Variants in SLC25A26 observed in about 807,000 individuals in gnomAD.
SLC25A26 encodes solute carrier family 25 member 26, also known as mitochondrial S-adenosylmethionine carrier protein.
SLC25A26 carries 36 observed loss-of-function variants against 37.8 expected under a neutral mutation model. The observed-to-expected ratio is 0.95, with a 90% CI of 0.73 to 1.26. SLC25A26 has a LOEUF of 1.26. SLC25A26 is among the 50% of genes most tolerant of loss of function. The probability of loss-of-function intolerance (pLI) is 0.00; values close to 1 mark genes in which losing one functional copy is unlikely to be tolerated. For synonymous variants in SLC25A26, 129 were observed against 122.5 expected, an observed-to-expected ratio of 1.05 and a Z score of -0.35; for missense variants, 390 against 331.1, an observed-to-expected ratio of 1.18 and a Z score of -1.38.
Position 66,352,434 on chromosome 3 carries a change from TG to T in SLC25A26, c.498+6027del, listed in dbSNP as rs573291183. Among the ~76,000 whole-genome samples, 383 of 135,540 alleles carry T rather than the reference TG, an allele frequency of 2.8e-3. 14 individuals are homozygous for T. The highest frequency in any genetic ancestry group is 9.8e-3 in the African/African-American group (345 of 35,260). 88.9% of individuals were successfully genotyped at this position (135,540 alleles called of 152,430 possible). A position where few individuals can be genotyped will look rare whatever the true frequency, so the allele number is the denominator to read the frequency against. On this transcript the variant is annotated intron_variant, in intron 6 of 9. Coordinates refer to ENST00000354883, the MANE Select transcript of SLC25A26 (RefSeq NM_001379210.1). ...GCGCCTCCCCTCGTTTTTTGTTTTT[TG>T]TTTTTTGTTTTTTTTTTTGAGATGT...
intron 9 of SLC25A26, among the ~76,000 whole-genome samples, chr3:66,376,782 G>A (rs549304218): frequency 3.9e-5 from 6 of 152,270 alleles, no homozygotes; most frequent in African/African-American, 1.2e-4. Context: ...TTATGGAAGC[G>A]TGGGCCAGGA....
chr3:66,319,744 C>CT (rs71105981), intron 5 of SLC25A26, among the ~76,000 whole-genome samples: 8,367 of 91,980 alleles, frequency 0.091, 1,627 homozygotes, highest in African/African-American at 0.2. Flanking sequence ...GCAATTAAAT[C>CT]TTTTTTTTTT....
At chr3:66,220,021 T>A (rs36170406), upstream of SLC25A26, among the ~76,000 whole-genome samples, 9,254 of 152,240 alleles carry the variant, frequency 0.061, 544 homozygotes, top group Admixed American at 0.15. Context: ...AGAATAATTA[T>A]AAGAATAATT....
chr3:66,166,801 C>T (rs1265547252), intron 1 of SLC25A26, among the ~76,000 whole-genome samples: 1 of 152,146 alleles, frequency 6.6e-6, no homozygotes, highest in African/African-American at 2.4e-5. Flanking sequence ...TGAGCCTCGT[C>T]AATGATGATA....
intron 1 of SLC25A26, among the ~76,000 whole-genome samples, chr3:66,189,748 A>G (rs905458563): frequency 4.6e-5 from 7 of 151,786 alleles, no homozygotes; most frequent in Non-Finnish European, 7.4e-5. Flanking sequence ...TGCAGCCTCA[A>G]CCTCCTGGGC....
At chr3:66,147,196 C>T (rs1014843036) in intron 1 of SLC25A26, among the ~76,000 whole-genome samples, 2 of 149,280 alleles carry the variant, frequency 1.3e-5, no homozygotes, top group African/African-American at 5.0e-5. Flanking sequence ...CAGAGTCTTG[C>T]TCTGTCTCCC....
chr3:66,230,678 G>A (rs939544985), intron 1 of SLC25A26, among the ~76,000 whole-genome samples: 4 of 151,760 alleles, frequency 2.6e-5, no homozygotes, highest in East Asian at 1.9e-4. Flanking sequence ...GGTGGCTCAC[G>A]CCTGTAATCC....
At chr3:66,303,082 A>C (rs1237191792) in intron 5 of SLC25A26, among the ~76,000 whole-genome samples, 1 of 152,072 alleles carries the variant, frequency 6.6e-6, no homozygotes, top group African/African-American at 2.4e-5. Flanking sequence ...GTCCCCTGGG[A>C]GGTTGAAAGA....
chr3:66,134,207 C>T (rs1452119147), intron 1 of SLC25A26, among the ~76,000 whole-genome samples: 3 of 152,246 alleles, frequency 2.0e-5, no homozygotes, highest in East Asian at 1.9e-4. Context: ...TTGTGATAAC[C>T]TTTGACACTT....
At chr3:66,238,536 C>T (rs2072409762) in intron 2 of SLC25A26, among the ~76,000 whole-genome samples, 1 of 152,078 alleles carries the variant, frequency 6.6e-6, no homozygotes, top group African/African-American at 2.4e-5. Context: ...GCACACGCCA[C>T]CACACCTGGC....
At chr3:66,263,484 T>TA (rs972179102) in intron 5 of SLC25A26, 105 bp downstream of exon 5, 4 of 756,790 alleles carry the variant, frequency 5.3e-6, no homozygotes, top group Admixed American at 5.5e-5. Context: ...AAACTTGGTT[T>TA]AAAAAATCAA....
chr3:66,309,508 A>G (rs569927527), intron 5 of SLC25A26, among the ~76,000 whole-genome samples: 133 of 151,748 alleles, frequency 8.8e-4, no homozygotes, highest in African/African-American at 5.3e-4. Flanking sequence ...ATATCCTTCA[A>G]TTCTGCTCTG....
At chr3:66,257,510 C>T (rs1420741617) in intron 3 of SLC25A26, among the ~76,000 whole-genome samples, 1 of 152,116 alleles carries the variant, frequency 6.6e-6, no homozygotes, top group African/African-American at 2.4e-5. Flanking sequence ...AGGTTTGATG[C>T]AGGAGTGACC....
chr3:66,147,801 C>T (rs775474652), intron 1 of SLC25A26, among the ~76,000 whole-genome samples: 2 of 152,134 alleles, frequency 1.3e-5, no homozygotes, highest in South Asian at 4.1e-4. Flanking sequence ...CTCTGTCACC[C>T]AGGCTGGAGT....
intron 1 of SLC25A26, among the ~76,000 whole-genome samples, chr3:66,226,126 G>A (rs1000482413): frequency 6.6e-6 from 1 of 152,138 alleles, no homozygotes; most frequent in Non-Finnish European, 1.5e-5. Flanking sequence ...TCACACTGCT[G>A]ATAAAGACAT....
intron 1 of SLC25A26, among the ~76,000 whole-genome samples, chr3:66,190,799 A>G (rs1389458429): frequency 6.6e-6 from 1 of 152,220 alleles, no homozygotes; most frequent in African/African-American, 2.4e-5. Context: ...TACAATTTTC[A>G]ATGATATCTG....
chr3:66,218,530 A>C (rs1425439730), upstream of SLC25A26, among the ~76,000 whole-genome samples: 1 of 152,198 alleles, frequency 6.6e-6, no homozygotes, highest in Non-Finnish European at 1.5e-5. Flanking sequence ...TGTGGTAACC[A>C]GTTTCCAAGA....
At chr3:66,369,043 ACAAAAAC>A (rs576206623) in intron 7 of SLC25A26, among the ~76,000 whole-genome samples, 22,610 of 80,200 alleles carry the variant, frequency 0.28, 2,778 homozygotes, top group Non-Finnish European at 0.32. Flanking sequence ...AAAAAAAAAA[ACAAAAAC>A]AAAAAAAAAA....
At chr3:66,193,522 T>G (rs1277179521) in intron 1 of SLC25A26, among the ~76,000 whole-genome samples, 1 of 152,126 alleles carries the variant, frequency 6.6e-6, no homozygotes, top group Non-Finnish European at 1.5e-5. Context: ...TTCAGATAAC[T>G]AACATCATTG....
Sources: allele counts gnomAD v4.1 joint callset (sites outside exome capture counted in the v4.1 genomes callset), GRCh38; gene constraint gnomAD v4.1.1; transcripts MANE v1.5; gene names NCBI Gene and HGNC (gene_info 2026-07-23, HGNC 2026-07-21).